The following CPOX variants were observed in gnomAD, a reference collection of about 807,000 sequenced individuals.
The protein encoded by CPOX is coproporphyrinogen oxidase, also known as oxygen-dependent coproporphyrinogen-III oxidase, mitochondrial.
CPOX carries 24 observed loss-of-function variants against 48.9 expected under a neutral mutation model. That is an observed-to-expected ratio of 0.49 (90% confidence interval 0.36 to 0.69). The LOEUF (loss-of-function observed/expected upper bound fraction) is 0.69. Among genes scored for constraint, CPOX ranks in the 30% least tolerant of loss-of-function variants. CPOX has a pLI of 0.00. For missense variants in CPOX, 549 were observed against 597.3 expected (o/e 0.92, Z 0.84); for synonymous variants, 249 against 234.6 (o/e 1.06, Z -0.56).
chr3:98,582,847 T>C (rs761962468), intron 5 of CPOX, among the ~76,000 whole-genome samples: 1 of 152,220 alleles, frequency 6.6e-6, no homozygotes, highest in African/African-American at 2.4e-5. Context: ...TCAAAAGCCC[T>C]GCAAAAGTGT....
Position 98,591,160 on chromosome 3 carries a change from G to T in CPOX, c.557-5C>A. The T allele has an allele frequency of 6.2e-7, 1 of 1,614,100 alleles. No individual in the cohort carries two copies. The highest frequency in any genetic ancestry group is 8.5e-7 in the Non-Finnish European group (1 of 1,179,992). ...CACAGCTGATGCCGCCACCTCCTGTGTATAGAAATGTAAAAAAGGAGAGAA... is the reference window on the plus strand; with the variant it reads ...CACAGCTGATGCCGCCACCTCCTGTTTATAGAAATGTAAAAAAGGAGAGAA... On this transcript the variant is annotated splice_region_variant and splice_polypyrimidine_tract_variant and intron_variant, in intron 1 of 6. Transcript: ENST00000647941.
Position 98,593,232 on chromosome 3 carries a change from G to A in CPOX, c.273C>T (p.Ala91=). 1 of 1,551,836 alleles carries A rather than the reference G, an allele frequency of 6.4e-7. No individual in the cohort carries two copies. The highest frequency in any genetic ancestry group is 8.7e-7 in the Non-Finnish European group (1 of 1,150,962). The change falls in exon 1 of 7, where the codon GCC becomes GCT. Residue 91 remains alanine (A), a synonymous_variant. Transcript: ENST00000647941. ...ALAGLVGLAT[A]AFGHVQRAEM... ...CCGCCCGCTGCACATGCCCGAAGGC[G>A]GCGGTGGCCAGCCCCACCAACCCCG...
At chr3:98,582,077 AGT>A (rs1707268618) in intron 5 of CPOX, among the ~76,000 whole-genome samples, 1 of 152,230 alleles carries the variant, frequency 6.6e-6, no homozygotes, top group African/African-American at 2.4e-5. Flanking sequence ...CATATAATTC[AGT>A]CTCTCTGCAG....
intron 4 of CPOX, among the ~76,000 whole-genome samples, chr3:98,586,687 G>C (rs541192002): frequency 5.7e-4 from 87 of 152,252 alleles, no homozygotes; most frequent in African/African-American, 2.0e-3. Flanking sequence ...GCTGACGCCT[G>C]TAATCCCAGC....
At chr3:98,591,296 G>A in intron 1 of CPOX, 141 bp from the exon 2 acceptor site, 1 of 881,130 alleles carries the variant, frequency 1.1e-6, no homozygotes. Context: ...AATACAATTA[G>A]ATAACTAGCT....
At chr3:98,581,905 G>C (rs3828373) in intron 5 of CPOX, among the ~76,000 whole-genome samples, 49,771 of 152,058 alleles carry the variant, frequency 0.33, 8,529 homozygotes, top group Middle Eastern at 0.45. Context: ...TGGACTCAAA[G>C]ATTTCATTTC....
the CPOX span, among the ~76,000 whole-genome samples, chr3:98,573,361 T>C: frequency 2.6e-5 from 4 of 152,346 alleles, no homozygotes; most frequent in East Asian, 3.9e-4. Context: ...TGATTAAATA[T>C]GTAATAACTC....
chr3:98,593,454 C>T lies in CPOX; in HGVS notation c.51G>A (p.Ala17=). 2 of 1,493,166 alleles carry T rather than the reference C, an allele frequency of 1.3e-6. No individual in the cohort carries two copies. Among genetic ancestry groups the T allele is most frequent in the East Asian group, 2.8e-5 (1 of 35,880 alleles). 92.5% of individuals were successfully genotyped at this position (1,493,166 alleles called of 1,614,324 possible). The change falls in exon 1 of 7, where the codon GCG becomes GCA. Residue 17 remains alanine, a synonymous_variant. Coordinates refer to ENST00000647941, the MANE Select transcript of CPOX (RefSeq NM_000097.7). ...CGCGGGGCCCTCCGCAGCCGCCCCG[C>T]GCCACGAGCCAGCAGGGGCCCGAGC... ...RLSSGPCWLV[A]RGGCGGPRAW... is the part of the protein sequence containing the mutation.
chr3:98,584,479 G>A (rs1249897287), intron 5 of CPOX, among the ~76,000 whole-genome samples: 3 of 152,172 alleles, frequency 2.0e-5, no homozygotes, highest in African/African-American at 7.2e-5. Flanking sequence ...AGATAGCACA[G>A]GCAGTCATAA....
At position 98,580,425 on chromosome 3, in the gene CPOX, T is replaced by C; in HGVS notation, c.*258A>G. 7.7e-7 allele frequency: 1 copy of C among 1,295,160 alleles called. No homozygotes were observed. Among genetic ancestry groups the C allele is most frequent in the South Asian group, 1.7e-5 (1 of 59,582 alleles). 80.2% of individuals were successfully genotyped at this position (1,295,160 alleles called of 1,614,324 possible). ...TATCTCAATACTTGGAAACTCAATGTCCTATTTTGTAAACTAGTCATATAA... is the reference window on the plus strand; with the variant it reads ...TATCTCAATACTTGGAAACTCAATGCCCTATTTTGTAAACTAGTCATATAA... On this transcript the variant is annotated 3_prime_UTR_variant, in exon 7 of 7. Transcript: ENST00000647941.
At chr3:98,572,990 GC>G in the CPOX span, among the ~76,000 whole-genome samples, 4 of 152,068 alleles carry the variant, frequency 2.6e-5, no homozygotes, top group Admixed American at 2.6e-4. Flanking sequence ...CACAAACAGA[GC>G]TTTTGAAATG....
At chr3:98,590,591 T>G (rs754340931) in intron 3 of CPOX, 41 bp downstream of exon 3, 1 of 1,356,480 alleles carries the variant, frequency 7.4e-7, no homozygotes, top group Admixed American at 1.7e-5. Flanking sequence ...AAAATGCACA[T>G]TTTGCACGAC....
At position 98,579,447 on chromosome 3, in the gene CPOX, T is replaced by C. The variant is rs1707209924; in HGVS notation, c.*1236A>G. On this transcript the variant is annotated 3_prime_UTR_variant, in exon 7 of 7. Coordinates refer to ENST00000647941, the MANE Select transcript of CPOX (RefSeq NM_000097.7). The stretch of plus-strand genomic sequence containing the variant: ...GGCAACAAAAAATATAAATATTTCT[T>C]AGTCTTATTTAATAATAAAATTTAT... The C allele has an allele frequency of 4.2e-6, 3 of 709,748 alleles. No individual in the cohort carries two copies. The highest frequency in any genetic ancestry group is 6.3e-5 in the Admixed American group (1 of 15,932). 44.0% of individuals were successfully genotyped at this position (709,748 alleles called of 1,614,324 possible).
chr3:98,591,557 CA>C (rs1418079433), intron 1 of CPOX, among the ~76,000 whole-genome samples: 2 of 152,082 alleles, frequency 1.3e-5, no homozygotes, highest in Non-Finnish European at 2.9e-5. Flanking sequence ...TATATTGTTT[CA>C]AAAATTTCTT....
At chr3:98,579,055 T>A (rs534245501), downstream of CPOX, among the ~76,000 whole-genome samples, 1 of 152,224 alleles carries the variant, frequency 6.6e-6, no homozygotes, top group East Asian at 1.9e-4. Context: ...CTACTCTTCC[T>A]CTTACTACTC....
chr3:98,592,999 T>C lies in CPOX; in HGVS notation c.506A>G (p.Gln169Arg). Residue 169 changes from glutamine to arginine, a missense_variant, in exon 1 of 7, where the codon CAG becomes CGG. Around this residue, in one of 2 missense-constraint regions of CPOX, gnomAD observed 336 missense variants for 318.1 expected, o/e 1.06. Coordinates refer to ENST00000647941, the MANE Select transcript of CPOX (RefSeq NM_000097.7). ...TQAQVCQALA[Q>R]VDGGANFSVD... ...AGAAAAGTTGGCGCCCCCGTCTACC[T>C]GTGCCAGAGCCTGGCACACCTGGGC... 2 of 1,613,936 alleles carry C rather than the reference T, an allele frequency of 1.2e-6. No homozygotes were observed. The highest frequency in any genetic ancestry group is 1.7e-6 in the Non-Finnish European group (2 of 1,179,942).
chr3:98,588,895 G>C, intron 3 of CPOX, 41 bp from the exon 4 acceptor site: 1 of 1,611,324 alleles, frequency 6.2e-7, no homozygotes, highest in Non-Finnish European at 8.5e-7. Context: ...GGACTTTTGA[G>C]ATTCAGCATT....
At chr3:98,570,920 T>G in the CPOX span, among the ~76,000 whole-genome samples, 3 of 152,238 alleles carry the variant, frequency 2.0e-5, no homozygotes, top group Non-Finnish European at 4.4e-5. Flanking sequence ...GGCCTAGCTT[T>G]GCATCTTTTG....
In CPOX at chr3:98,579,925, T is replaced by G. The variant is rs764879790; in HGVS notation, c.*758A>C. ...CAGAGATGTCTGAAATAGAAAACTCTTAAGTATCAGAATTCAGGGATATAA... is the reference window on the plus strand; with the variant it reads ...CAGAGATGTCTGAAATAGAAAACTCGTAAGTATCAGAATTCAGGGATATAA... On this transcript the variant is annotated 3_prime_UTR_variant, in exon 7 of 7. Coordinates refer to ENST00000647941, the MANE Select transcript of CPOX (RefSeq NM_000097.7). 86 of 985,678 alleles carry G rather than the reference T, an allele frequency of 8.7e-5. No homozygotes were observed. Among genetic ancestry groups the G allele is most frequent in the Non-Finnish European group, 9.8e-5 (81 of 829,874 alleles). The allele number at this position is 985,678 out of a possible 1,614,324, so 61.1% of individuals were successfully genotyped here.
Sources: allele counts gnomAD v4.1 joint callset (sites outside exome capture counted in the v4.1 genomes callset), GRCh38; gene constraint gnomAD v4.1.1; regional missense constraint gnomAD v4.1.1; transcripts MANE v1.5; gene names NCBI Gene and HGNC (gene_info 2026-07-23, HGNC 2026-07-21).